WWOX: variants seen among roughly 807,000 people sequenced by gnomAD.
The protein encoded by WWOX is WW domain containing oxidoreductase, also known as WW domain-containing oxidoreductase.
WWOX carries 69 observed loss-of-function variants against 46.2 expected under a neutral mutation model. That is an observed-to-expected ratio of 1.49 (90% CI 1.23 to 1.82). The LOEUF (loss-of-function observed/expected upper bound fraction) is 1.82. Ranked by LOEUF, WWOX falls within the 40% of genes most tolerant of loss-of-function variation. The pLI is 0.00. For synonymous variants in WWOX, 359 were observed against 202.6 expected (o/e 1.77, Z -6.56); for missense variants, 919 against 542.6 (o/e 1.69, Z -6.89).
chr16:78,947,945 A>C lies in WWOX; in HGVS notation c.1057-263663A>C, dbSNP rs574548003. ...GTCATTGAAAAAAACACCAGTAATT[A>C]AATCATTATTTCTTAGATGTGAGGT... is the stretch of plus-strand genomic sequence containing the variant. On this transcript the variant is annotated intron_variant, in intron 8 of 8. Transcript: ENST00000566780. Among the ~76,000 whole-genome samples, 3 of 152,328 alleles carry C rather than the reference A, an allele frequency of 2.0e-5. No homozygotes were observed. The East Asian group carries it at 5.8e-4, about 29-fold the overall frequency.
intron 8 of WWOX, chr16:78,535,311 C>G (rs1435500856): frequency 6.6e-6 from 1 of 152,224 alleles, no homozygotes; most frequent in Non-Finnish European, 1.5e-5. Flanking sequence ...CGCCCTCTGT[C>G]TGAGTCCGGG....
At chr16:78,598,633 C>G (rs1268766032) in intron 8 of WWOX, among the ~76,000 whole-genome samples, 2 of 152,100 alleles carry the variant, frequency 1.3e-5, no homozygotes, top group Non-Finnish European at 2.9e-5. Flanking sequence ...GGCAGGCAAA[C>G]GTTTTGAAAA....
intron 8 of WWOX, among the ~76,000 whole-genome samples, chr16:79,115,308 G>A (rs1462394869): frequency 6.6e-6 from 1 of 152,196 alleles, no homozygotes; most frequent in Non-Finnish European, 1.5e-5. Flanking sequence ...AACTTTCAAT[G>A]TATACTTCAT....
At chr16:78,707,932 G>A (rs2048358333) in intron 8 of WWOX, among the ~76,000 whole-genome samples, 1 of 152,168 alleles carries the variant, frequency 6.6e-6, no homozygotes, top group Non-Finnish European at 1.5e-5. Context: ...TGGTGCAAAA[G>A]CAATCGTGGT....
intron 8 of WWOX, among the ~76,000 whole-genome samples, chr16:78,846,848 T>C (rs777482901): frequency 1.3e-4 from 20 of 152,234 alleles, no homozygotes; most frequent in Non-Finnish European, 2.4e-4. Flanking sequence ...CTGTCATGCC[T>C]TCTATTTTTT....
At chr16:79,034,958 G>C (rs1359283513) in intron 8 of WWOX, among the ~76,000 whole-genome samples, 2 of 152,050 alleles carry the variant, frequency 1.3e-5, no homozygotes, top group African/African-American at 4.8e-5. Flanking sequence ...GACAGTAAAG[G>C]CAAGTATAAA....
At chr16:78,855,547 T>C (rs530417338) in intron 8 of WWOX, among the ~76,000 whole-genome samples, 25 of 152,300 alleles carry the variant, frequency 1.6e-4, no homozygotes, top group Admixed American at 1.4e-3. Context: ...GACAATAAAA[T>C]TTCCCCAAGC....
Position 79,032,354 on chromosome 16 carries a change from ATATTCTATGTAATATATAATATATTC to A in WWOX, c.1057-179250_1057-179225del, listed in dbSNP as rs2047780170. 2.0e-5 allele frequency among the ~76,000 whole-genome samples: 3 copies of A among 146,444 alleles called. No individual in the cohort carries two copies. The South Asian group carries it at 6.3e-4, about 31-fold the overall frequency. ...TATTATAATGTATGTAATATATAAT[ATATTCTATGTAATATATAATATATTC>A]TATGTAATATATATTAATATGTAGG... On this transcript the variant is annotated intron_variant, in intron 8 of 8. Coordinates refer to ENST00000566780, the MANE Select transcript of WWOX (RefSeq NM_016373.4).
intron 8 of WWOX, among the ~76,000 whole-genome samples, chr16:78,693,049 A>T (rs987855574): frequency 6.6e-6 from 1 of 152,118 alleles, no homozygotes; most frequent in East Asian, 1.9e-4. Context: ...ATTCATTTTT[A>T]TTTGCCATCC....
intron 4 of WWOX, among the ~76,000 whole-genome samples, chr16:78,145,453 G>GAT (rs2034164961): frequency 2.0e-5 from 3 of 152,176 alleles, no homozygotes; most frequent in Admixed American, 2.0e-4. Flanking sequence ...TCCAGGGCAG[G>GAT]AAGGATCCAG....
intron 8 of WWOX, among the ~76,000 whole-genome samples, chr16:78,439,936 T>C (rs2083409406): frequency 6.6e-6 from 1 of 152,200 alleles, no homozygotes; most frequent in Admixed American, 6.5e-5. Flanking sequence ...CCTTTTTCCT[T>C]TATCAAGAGA....
intron 8 of WWOX, among the ~76,000 whole-genome samples, chr16:78,708,081 C>T (rs565778363): frequency 1.4e-4 from 22 of 151,890 alleles, no homozygotes; most frequent in African/African-American, 5.1e-4. Context: ...ATCCCAGCAC[C>T]TTGGGAGGCA....
chr16:78,494,214 TA>T (rs1210842530), intron 8 of WWOX, among the ~76,000 whole-genome samples: 4 of 152,170 alleles, frequency 2.6e-5, no homozygotes, highest in Non-Finnish European at 4.4e-5. Context: ...AAGACAGCAC[TA>T]GGGGGATGGT....
intron 3 of WWOX, among the ~76,000 whole-genome samples, chr16:78,114,595 G>A (rs1234334763): frequency 6.6e-6 from 1 of 152,004 alleles, no homozygotes; most frequent in African/African-American, 2.4e-5. Context: ...CCTTGCACAG[G>A]GCTAAGAGAT....
chr16:79,026,404 C>G (rs1040701533), intron 8 of WWOX, among the ~76,000 whole-genome samples: 10 of 151,620 alleles, frequency 6.6e-5, no homozygotes, highest in Admixed American at 1.3e-4. Context: ...CTCCCCTGGC[C>G]ACGGTCACTT....
chr16:78,572,099 G>C (rs1026958535), intron 8 of WWOX, among the ~76,000 whole-genome samples: 6 of 152,178 alleles, frequency 3.9e-5, no homozygotes, highest in South Asian at 2.1e-4. Context: ...TAGAGAAACT[G>C]TTGAGAACTA....
At chr16:78,297,889 T>A (rs966612348) in intron 5 of WWOX, among the ~76,000 whole-genome samples, 1 of 152,170 alleles carries the variant, frequency 6.6e-6, no homozygotes, top group Admixed American at 6.5e-5. Flanking sequence ...TGACTGTGTG[T>A]CCCCACCCAA....
chr16:78,717,550 T>G (rs1309023562), intron 8 of WWOX, among the ~76,000 whole-genome samples: 1 of 152,182 alleles, frequency 6.6e-6, no homozygotes, highest in East Asian at 1.9e-4. Context: ...TTTGCTCTCT[T>G]TGATGGTGGA....
rs1253581583 is a variant in WWOX, at chr16:78,720,797, G to C, written c.1056+288045G>C. 3.3e-5 allele frequency among the ~76,000 whole-genome samples: 5 copies of C among 152,206 alleles called. No homozygotes were observed. The East Asian group carries it at 9.7e-4, about 29-fold the overall frequency. On this transcript the variant is annotated intron_variant, in intron 8 of 8. Coordinates refer to ENST00000566780, the MANE Select transcript of WWOX (RefSeq NM_016373.4). ...ACTCTATTATACAAGCAGTGCCCAA[G>C]TGCCTTCCTCCAAAAGTACATTAGA...
Sources: gnomAD v4.1 joint callset for allele counts (sites outside exome capture counted in the v4.1 genomes callset) on GRCh38, gnomAD v4.1.1 for gene constraint, MANE v1.5 for transcripts, NCBI Gene and HGNC (gene_info 2026-07-23, HGNC 2026-07-21) for gene names.